The following PRSS12 variants were observed in gnomAD, a reference collection of about 807,000 sequenced individuals.
The protein encoded by PRSS12 is serine protease 12.
In PRSS12, 85 loss-of-function variants were observed where a neutral mutation model predicts 104.4. The ratio of observed to expected loss-of-function variants is 0.81; its 90% CI spans 0.68 to 0.98. PRSS12 has a LOEUF of 0.98. Among genes scored for constraint, PRSS12 ranks in the 50% least tolerant of loss-of-function variants. The pLI, the probability that PRSS12 is intolerant of heterozygous loss-of-function variation, is 0.00. For missense variants in PRSS12, 1,141 were observed against 1,139.2 expected (o/e 1.00, Z -0.02); for synonymous variants, 454 against 425.2 (o/e 1.07, Z -0.83).
At chr4:118,282,727 A>T (rs1020242105) in intron 12 of PRSS12, 104 bp downstream of exon 12, 212 of 1,527,216 alleles carry the variant, frequency 1.4e-4, no homozygotes, top group Non-Finnish European at 1.9e-4. Context: ...AATTTCTCCA[A>T]ATAAGTCTGA....
chr4:118,327,102 G>T (rs6853304), intron 4 of PRSS12, among the ~76,000 whole-genome samples: 2 of 152,012 alleles, frequency 1.3e-5, no homozygotes, highest in Non-Finnish European at 2.9e-5. Context: ...GACAAGCTTG[G>T]TTTATACAAT....
intron 11 of PRSS12, among the ~76,000 whole-genome samples, chr4:118,289,566 A>AT (rs1743085996): frequency 1.3e-5 from 2 of 152,142 alleles, no homozygotes; most frequent in Admixed American, 1.3e-4. Flanking sequence ...TACAGTCTCT[A>AT]TTTTGCAAAT....
chr4:118,282,251 G>A lies in PRSS12; in HGVS notation c.2321-8C>T. On this transcript the variant is annotated splice_polypyrimidine_tract_variant and splice_region_variant and intron_variant, in intron 12 of 12. Coordinates refer to ENST00000296498, the MANE Select transcript of PRSS12 (RefSeq NM_003619.4). ...TTCTTGAATAGGCTCGTCCTACTCA[G>A]ACCAAACATCTGATTAGTGGCATTC... is the stretch of plus-strand genomic sequence containing the variant. 1 of 1,614,000 alleles carries A rather than the reference G, an allele frequency of 6.2e-7. No homozygotes were observed. Among genetic ancestry groups the A allele is most frequent in the Non-Finnish European group, 8.5e-7 (1 of 1,179,980 alleles).
At chr4:118,287,321 A>G (rs1478023495) in intron 11 of PRSS12, among the ~76,000 whole-genome samples, 1 of 152,098 alleles carries the variant, frequency 6.6e-6, no homozygotes, top group Non-Finnish European at 1.5e-5. Flanking sequence ...ATTTTCAAAA[A>G]TTATTTTTTG....
intron 8 of PRSS12, among the ~76,000 whole-genome samples, chr4:118,306,746 GATAA>G (rs1743564500): frequency 6.6e-6 from 1 of 152,096 alleles, no homozygotes; most frequent in Non-Finnish European, 1.5e-5. Context: ...TATCAATGAT[GATAA>G]ATAAAAAGTA....
chr4:118,330,636 G>A (rs1723894910), intron 4 of PRSS12, among the ~76,000 whole-genome samples: 1 of 151,976 alleles, frequency 6.6e-6, no homozygotes, highest in East Asian at 1.9e-4. Context: ...ACACTGTAGG[G>A]GCAACTCTGA....
At chr4:118,302,903 G>A (rs1251516666) in intron 8 of PRSS12, among the ~76,000 whole-genome samples, 3 of 152,066 alleles carry the variant, frequency 2.0e-5, no homozygotes, top group African/African-American at 7.2e-5. Flanking sequence ...TGCTGATAAT[G>A]TATAGGTATA....
At position 118,283,101 on chromosome 4, in the gene PRSS12, T is replaced by C. The variant is rs369577707; in HGVS notation, c.2050A>G (p.Ser684Gly). ...ACCCTAACAGCATAGCTCCTAGTGC[T>C]GTTGCCATACCTGAGAGGCAGAGAG... is the stretch of plus-strand genomic sequence containing the variant. ...AAHCFKRYGN[S>G]TRSYAVRVGD... is the part of the protein sequence containing the mutation. The change falls in exon 12 of 13, where the codon AGC becomes GGC. Residue 684 changes from serine to glycine, a missense_variant. By Grantham distance (56) the Ser-to-Gly change is moderately conservative. Coordinates refer to ENST00000296498, the MANE Select transcript of PRSS12 (RefSeq NM_003619.4). 45 of 1,614,098 alleles carry C rather than the reference T, an allele frequency of 2.8e-5. No individual in the cohort carries two copies. Among genetic ancestry groups the C allele is most frequent in the Non-Finnish European group, 3.6e-5 (43 of 1,180,032 alleles).
intron 11 of PRSS12, among the ~76,000 whole-genome samples, chr4:118,283,963 G>A (rs1173086538): frequency 2.0e-5 from 3 of 152,114 alleles, no homozygotes; most frequent in African/African-American, 4.8e-5. Flanking sequence ...GTTAGTGAAT[G>A]CTTATTATTA....
chr4:118,327,735 A>G (rs1282991489), intron 4 of PRSS12, among the ~76,000 whole-genome samples: 1 of 152,190 alleles, frequency 6.6e-6, no homozygotes, highest in Non-Finnish European at 1.5e-5. Context: ...GTCTCCAACT[A>G]AACTTCACTG....
intron 7 of PRSS12, among the ~76,000 whole-genome samples, chr4:118,308,962 T>C (rs1743631829): frequency 6.6e-6 from 1 of 152,118 alleles, no homozygotes; most frequent in Non-Finnish European, 1.5e-5. Flanking sequence ...TGTTCATTTA[T>C]CCATGAACAG....
At chr4:118,331,096 A>G (rs1723905779) in intron 4 of PRSS12, among the ~76,000 whole-genome samples, 1 of 152,220 alleles carries the variant, frequency 6.6e-6, no homozygotes. Flanking sequence ...AATTTTAGAG[A>G]AACTTTCAGG....
chr4:118,336,732 A>G (rs1560784651), intron 2 of PRSS12, among the ~76,000 whole-genome samples: 1 of 152,216 alleles, frequency 6.6e-6, no homozygotes. Context: ...TTTGTATCTC[A>G]CAGAAAATTT....
intron 8 of PRSS12, among the ~76,000 whole-genome samples, chr4:118,300,555 C>G (rs1210739398): frequency 6.6e-6 from 1 of 152,040 alleles, no homozygotes; most frequent in Non-Finnish European, 1.5e-5. Flanking sequence ...TTATCAGAAG[C>G]AAAAGCTTTC....
chr4:118,299,312 A>G (rs1472305890), intron 8 of PRSS12, among the ~76,000 whole-genome samples: 1 of 152,224 alleles, frequency 6.6e-6, no homozygotes, highest in Non-Finnish European at 1.5e-5. Flanking sequence ...TAATATTGCA[A>G]AGAAAACAAT....
intron 1 of PRSS12, among the ~76,000 whole-genome samples, chr4:118,342,321 T>C (rs191632110): frequency 6.4e-4 from 97 of 152,320 alleles, no homozygotes; most frequent in Non-Finnish European, 1.3e-3. Context: ...TATTGTTCAA[T>C]TGTCCAATTT....
intron 3 of PRSS12, among the ~76,000 whole-genome samples, chr4:118,333,735 C>A (rs935524491): frequency 6.6e-6 from 1 of 152,140 alleles, no homozygotes; most frequent in Non-Finnish European, 1.5e-5. Context: ...GGCATAACCA[C>A]CTTTCACTTT....
chr4:118,338,029 C>G, intron 2 of PRSS12, 147 bp downstream of exon 2: 2 of 1,006,970 alleles, frequency 2.0e-6, no homozygotes, highest in South Asian at 1.5e-5. Context: ...CATTTGGGGC[C>G]CTTTCTTTAT....
intron 1 of PRSS12, among the ~76,000 whole-genome samples, chr4:118,345,910 A>G (rs1033860602): frequency 2.6e-5 from 4 of 152,218 alleles, no homozygotes; most frequent in Non-Finnish European, 5.9e-5. Flanking sequence ...GAATCCCCAG[A>G]TGATTCAGAG....
Sources: gnomAD v4.1 joint callset for allele counts (sites outside exome capture counted in the v4.1 genomes callset) on GRCh38, gnomAD v4.1.1 for gene constraint, MANE v1.5 for transcripts, NCBI Gene and HGNC (gene_info 2026-07-23, HGNC 2026-07-21) for gene names.